RBFOX1: variants seen among roughly 807,000 people sequenced by gnomAD.
RBFOX1 encodes RNA binding protein fox-1 homolog 1.
A neutral mutation model predicts 57.7 loss-of-function variants in RBFOX1; 8 were observed. The ratio of observed to expected loss-of-function variants is 0.14; its 90% CI spans 0.08 to 0.25. The LOEUF is 0.25. Ranked by LOEUF, RBFOX1 falls within the 10% of genes least tolerant of loss-of-function variation. The probability of loss-of-function intolerance (pLI) is 1.00; values close to 1 mark genes in which losing one functional copy is unlikely to be tolerated. For synonymous variants in RBFOX1, 326 were observed against 222.4 expected, an observed-to-expected ratio of 1.47 and a Z score of -4.15; for missense variants, 611 against 548.5, an observed-to-expected ratio of 1.11 and a Z score of -1.14.
chr16:6,257,908 A>G (rs527918193), intron 1 of RBFOX1, among the ~76,000 whole-genome samples: 1 of 152,288 alleles, frequency 6.6e-6, no homozygotes, highest in South Asian at 2.1e-4. Context: ...TCTTTATACT[A>G]GAATGATTTA....
intron 4 of RBFOX1, among the ~76,000 whole-genome samples, chr16:7,184,152 C>G (rs1355701968): frequency 6.6e-6 from 1 of 152,032 alleles, no homozygotes; most frequent in African/African-American, 2.4e-5. Flanking sequence ...ATTTGAAGAT[C>G]ATAAAAAGAG....
intron 3 of RBFOX1, among the ~76,000 whole-genome samples, chr16:5,629,030 A>C (rs2048425080): frequency 6.6e-6 from 1 of 152,238 alleles, no homozygotes; most frequent in Admixed American, 6.5e-5. Flanking sequence ...CCAGGCCCCA[A>C]GCACCCATCG....
chr16:5,312,369 A>C (rs2064114434), intron 1 of RBFOX1, among the ~76,000 whole-genome samples: 1 of 152,120 alleles, frequency 6.6e-6, no homozygotes, highest in Admixed American at 6.5e-5. Context: ...CTCAGGCTGG[A>C]GTGCAGTGGC....
At chr16:5,528,003 T>A (rs1386066) in intron 2 of RBFOX1, among the ~76,000 whole-genome samples, 1 of 152,184 alleles carries the variant, frequency 6.6e-6, no homozygotes, top group African/African-American at 2.4e-5. Context: ...GAGCACCTAA[T>A]AGCTCACTCC....
intron 1 of RBFOX1, among the ~76,000 whole-genome samples, chr16:5,297,837 A>G (rs1014741844): frequency 6.6e-6 from 1 of 152,242 alleles, no homozygotes; most frequent in African/African-American, 2.4e-5. Context: ...CAGTCACATT[A>G]TGAAACACTT....
intron 3 of RBFOX1, among the ~76,000 whole-genome samples, chr16:6,955,871 A>T (rs2081714125): frequency 1.3e-5 from 2 of 149,420 alleles, no homozygotes; most frequent in Non-Finnish European, 2.9e-5. Context: ...ATGCTCAGCT[A>T]AATTTTGTAA....
chr16:7,241,027 G>A (rs2881440), intron 4 of RBFOX1, among the ~76,000 whole-genome samples: 55,129 of 151,988 alleles, frequency 0.36, 10,666 homozygotes, highest in Middle Eastern at 0.52. Flanking sequence ...TCTGGCTATC[G>A]TGAAAATTAA....
chr16:6,338,364 C>T (rs1367623048), intron 2 of RBFOX1, among the ~76,000 whole-genome samples: 1 of 152,150 alleles, frequency 6.6e-6, no homozygotes, highest in Non-Finnish European at 1.5e-5. Context: ...TTAAGGTCCT[C>T]TCCATCACAA....
chr16:7,213,332 C>G (rs1163515016), intron 4 of RBFOX1, among the ~76,000 whole-genome samples: 1 of 152,106 alleles, frequency 6.6e-6, no homozygotes, highest in Non-Finnish European at 1.5e-5. Flanking sequence ...AAGCCCAAAC[C>G]AATTAAAGAT....
chr16:5,636,910 C>G (rs1343952636), intron 3 of RBFOX1, among the ~76,000 whole-genome samples: 3 of 152,200 alleles, frequency 2.0e-5, no homozygotes, highest in Non-Finnish European at 2.9e-5. Flanking sequence ...GAGCCTCTGA[C>G]CAGGAGGCCT....
At chr16:7,689,135 C>G (rs1171633405) in intron 14 of RBFOX1, among the ~76,000 whole-genome samples, 2 of 152,138 alleles carry the variant, frequency 1.3e-5, no homozygotes, top group Admixed American at 6.6e-5. Context: ...AGGTATGACA[C>G]TTGGCAACTT....
intron 4 of RBFOX1, among the ~76,000 whole-genome samples, chr16:5,881,213 AT>A (rs2151917684): frequency 6.6e-6 from 1 of 152,276 alleles, no homozygotes; most frequent in South Asian, 2.1e-4. Context: ...CTGTCTTCTG[AT>A]TCTAGTTGGG....
chr16:7,311,237 G>C lies in RBFOX1; in HGVS notation c.28-206910G>C, dbSNP rs934963383. ...TCAGCCAAGCTCTAGCTGAAGAGCA[G>C]TCCTACCCTGTTTTGATCCTTTTCT... On this transcript the variant is annotated intron_variant, in intron 4 of 15. Coordinates refer to ENST00000550418, the MANE Select transcript of RBFOX1 (RefSeq NM_018723.4). 2.6e-5 allele frequency among the ~76,000 whole-genome samples: 4 copies of C among 152,198 alleles called. No homozygotes were observed. In the South Asian group the frequency reaches 6.2e-4, roughly 24 times the overall value.
At chr16:7,668,596 G>T (rs1200502076) in intron 13 of RBFOX1, among the ~76,000 whole-genome samples, 1 of 152,036 alleles carries the variant, frequency 6.6e-6, no homozygotes, top group Non-Finnish European at 1.5e-5. Context: ...TGATGCGGGG[G>T]TTGTCTGAGA....
intron 3 of RBFOX1, among the ~76,000 whole-genome samples, chr16:6,858,676 A>G (rs896909652): frequency 1.3e-5 from 2 of 152,132 alleles, no homozygotes; most frequent in Admixed American, 1.3e-4. Context: ...AAATAGAAAC[A>G]ATAATTTTAT....
intron 2 of RBFOX1, among the ~76,000 whole-genome samples, chr16:6,405,836 A>C (rs1409646832): frequency 6.6e-6 from 1 of 152,130 alleles, no homozygotes; most frequent in Non-Finnish European, 1.5e-5. Context: ...GATCAATAAA[A>C]CTCATAAAAT....
At chr16:5,515,628 G>C (rs1053215019) in intron 2 of RBFOX1, among the ~76,000 whole-genome samples, 2 of 152,142 alleles carry the variant, frequency 1.3e-5, no homozygotes, top group Non-Finnish European at 2.9e-5. Flanking sequence ...ATTTGGGTAC[G>C]GTTGAAGTAG....
In RBFOX1 at chr16:7,582,934, C is replaced by T. The variant is rs558579982; in HGVS notation, c.414+3014C>T. 2.5e-3 allele frequency among the ~76,000 whole-genome samples: 386 copies of T among 152,266 alleles called. 4 individuals carry two copies. The highest frequency in any genetic ancestry group is 4.2e-3 in the Non-Finnish European group (287 of 68,014). ...TAAAACTTGGCAGTGATCATTACAA[C>T]GTCTGTAACCACTAATAATTCGACC... On this transcript the variant is annotated intron_variant, in intron 6 of 15. Coordinates refer to ENST00000550418, the MANE Select transcript of RBFOX1 (RefSeq NM_018723.4).
chr16:6,310,433 G>A (rs2080112201), intron 1 of RBFOX1, among the ~76,000 whole-genome samples: 5 of 152,230 alleles, frequency 3.3e-5, no homozygotes, highest in Admixed American at 6.5e-5. Flanking sequence ...AAGGATTGTT[G>A]TTGAAGAAGT....
Sources: allele counts gnomAD v4.1 joint callset (sites outside exome capture counted in the v4.1 genomes callset), GRCh38; gene constraint gnomAD v4.1.1; transcripts MANE v1.5; gene names NCBI Gene and HGNC (gene_info 2026-07-23, HGNC 2026-07-21).